Variants in IQCJ observed in about 807,000 individuals in gnomAD.
IQCJ encodes the protein IQ domain-containing protein J.
IQCJ carries 9 observed loss-of-function variants against 11.0 expected under a neutral mutation model. The observed-to-expected ratio is 0.82, with a 90% CI of 0.49 to 1.43. The LOEUF is 1.43. Among genes scored for constraint, IQCJ ranks in the 40% most tolerant of loss-of-function variants. IQCJ has a pLI of 0.00. For synonymous variants in IQCJ, 55 were observed against 51.3 expected, an observed-to-expected ratio of 1.07 and a Z score of -0.31; for missense variants, 146 against 133.2, an observed-to-expected ratio of 1.10 and a Z score of -0.47.
chr3:159,177,634 T>A (rs1291888785), intron 1 of IQCJ, among the ~76,000 whole-genome samples: 2 of 152,094 alleles, frequency 1.3e-5, no homozygotes, highest in African/African-American at 2.4e-5. Context: ...CACAGGGGAA[T>A]TTTTTGAGGT....
At chr3:159,156,488 AG>A (rs2108211274) in intron 1 of IQCJ, among the ~76,000 whole-genome samples, 1 of 152,286 alleles carries the variant, frequency 6.6e-6, no homozygotes, top group South Asian at 2.1e-4. Context: ...TAAAGAGACA[AG>A]TTTTGCTGTA....
At chr3:159,213,318 C>G (rs977392398) in intron 1 of IQCJ, among the ~76,000 whole-genome samples, 8 of 152,148 alleles carry the variant, frequency 5.3e-5, no homozygotes, top group Non-Finnish European at 1.5e-5. Flanking sequence ...TTTGTCTCCA[C>G]GGGTGCTGAC....
At chr3:159,255,336 C>A (rs1727837619) in intron 3 of IQCJ, among the ~76,000 whole-genome samples, 1 of 151,994 alleles carries the variant, frequency 6.6e-6, no homozygotes, top group Non-Finnish European at 1.5e-5. Flanking sequence ...GTCTGCAAGC[C>A]CTGAGGGGGA....
intron 2 of IQCJ, among the ~76,000 whole-genome samples, chr3:159,251,594 G>T (rs1200925355): frequency 6.7e-6 from 1 of 149,884 alleles, no homozygotes; most frequent in Non-Finnish European, 1.5e-5. Context: ...GTAGTTGGGG[G>T]AGTAATGTTT....
chr3:159,225,114 A>T (rs1052431433), intron 1 of IQCJ, among the ~76,000 whole-genome samples: 2 of 152,232 alleles, frequency 1.3e-5, no homozygotes, highest in Non-Finnish European at 2.9e-5. Flanking sequence ...TAGCAGCTTT[A>T]TTATAATAGC....
intron 1 of IQCJ, among the ~76,000 whole-genome samples, chr3:159,173,615 A>G (rs1039038136): frequency 6.6e-6 from 1 of 152,136 alleles, no homozygotes; most frequent in African/African-American, 2.4e-5. Flanking sequence ...TAGAGTAGAG[A>G]ATTCTAGATT....
At chr3:159,070,196 T>C (rs1715469837) in intron 1 of IQCJ, 1 of 153,226 alleles carries the variant, frequency 6.5e-6, no homozygotes, top group Non-Finnish European at 1.5e-5. Flanking sequence ...AGGATCTGCA[T>C]GTGTTTATTG....
At chr3:159,263,864 T>C (rs977682309), downstream of IQCJ, 1 of 962,466 alleles carries the variant, frequency 1.0e-6, no homozygotes, top group African/African-American at 1.8e-5. Context: ...ATTTAGTGAA[T>C]CTTCACTTTT....
chr3:159,083,532 A>G (rs771533660), intron 1 of IQCJ, among the ~76,000 whole-genome samples: 1 of 152,110 alleles, frequency 6.6e-6, no homozygotes. Flanking sequence ...TGGTACAACC[A>G]CTCTAGAGTA....
At chr3:159,196,345 A>C (rs1011473417) in intron 1 of IQCJ, among the ~76,000 whole-genome samples, 1 of 152,256 alleles carries the variant, frequency 6.6e-6, no homozygotes, top group African/African-American at 2.4e-5. Flanking sequence ...CCATTTTAAA[A>C]TAAGAAATCC....
In IQCJ at chr3:159,154,646, C is replaced by G. The variant is rs141027683; in HGVS notation, c.9+85205C>G. Among the ~76,000 whole-genome samples, 191 of 152,264 alleles carry G rather than the reference C, an allele frequency of 1.3e-3. 1 individual carries two copies. Among genetic ancestry groups the G allele is most frequent in the African/African-American group, 4.5e-3 (185 of 41,540 alleles). ...GGTTTGGTCTACTCACTTCTTCAAG[C>G]AAAGCCTTTTCAAACTCAAAGAAGT... On this transcript the variant is annotated intron_variant, in intron 1 of 3. Coordinates refer to ENST00000397832, the MANE Select transcript of IQCJ (RefSeq NM_001042706.3).
chr3:159,217,582 G>C (rs541134897), intron 1 of IQCJ, among the ~76,000 whole-genome samples: 7 of 152,216 alleles, frequency 4.6e-5, no homozygotes, highest in Admixed American at 4.6e-4. Context: ...ATAAATCAAG[G>C]TGATGTTACT....
At chr3:159,163,482 A>G (rs1178081793) in intron 1 of IQCJ, among the ~76,000 whole-genome samples, 1 of 151,996 alleles carries the variant, frequency 6.6e-6, no homozygotes, top group Non-Finnish European at 1.5e-5. Flanking sequence ...GAATGGGCAA[A>G]AACTGGAAGC....
chr3:159,260,664 G>A (rs1440688913), intron 3 of IQCJ, among the ~76,000 whole-genome samples: 1 of 152,082 alleles, frequency 6.6e-6, no homozygotes, highest in Admixed American at 6.6e-5. Flanking sequence ...TTCCCATTCT[G>A]CTTAAAATCT....
intron 1 of IQCJ, among the ~76,000 whole-genome samples, chr3:159,182,781 A>ATTT (rs201873449): frequency 6.7e-6 from 1 of 149,808 alleles, no homozygotes; most frequent in African/African-American, 2.5e-5. Flanking sequence ...TATTTATTTT[A>ATTT]TTTTTTTTCA....
intron 2 of IQCJ, among the ~76,000 whole-genome samples, chr3:159,247,770 C>T (rs1388901311): frequency 6.6e-6 from 1 of 152,112 alleles, no homozygotes. Context: ...GTTCTAGTTT[C>T]TATGACCTGC....
downstream of IQCJ, chr3:159,265,543 G>A: frequency 1.6e-6 from 1 of 636,796 alleles, no homozygotes; most frequent in Middle Eastern, 4.4e-4. Context: ...CAAGTCAAAT[G>A]TTGTCAGTGA....
chr3:159,083,548 T>C (rs1416209658), intron 1 of IQCJ, among the ~76,000 whole-genome samples: 3 of 152,126 alleles, frequency 2.0e-5, no homozygotes, highest in African/African-American at 7.2e-5. Context: ...GAGTAAAATA[T>C]GGCAATTTCT....
chr3:159,246,578 G>A (rs1727284788), intron 2 of IQCJ, among the ~76,000 whole-genome samples: 1 of 152,138 alleles, frequency 6.6e-6, no homozygotes, highest in Non-Finnish European at 1.5e-5. Context: ...CACTGGCTGA[G>A]CCCTAATGTA....
Sources: gnomAD v4.1 joint callset for allele counts (sites outside exome capture counted in the v4.1 genomes callset) on GRCh38, gnomAD v4.1.1 for gene constraint, MANE v1.5 for transcripts, NCBI Gene and HGNC (gene_info 2026-07-23, HGNC 2026-07-21) for gene names.